MACROD1: variants seen among roughly 807,000 people sequenced by gnomAD.
MACROD1 encodes the protein mono-ADP ribosylhydrolase 1, also known as ADP-ribose glycohydrolase MACROD1.
MACROD1 carries 31 observed loss-of-function variants against 41.4 expected under a neutral mutation model. The observed-to-expected ratio is 0.75, with a 90% CI of 0.56 to 1.01. The LOEUF is 1.01. MACROD1 is among the 50% of genes least tolerant of loss of function. The probability of loss-of-function intolerance (pLI) is 0.00; values close to 1 mark genes in which losing one functional copy is unlikely to be tolerated. For missense variants in MACROD1, 473 were observed against 460.0 expected, an observed-to-expected ratio of 1.03 and a Z score of -0.26; for synonymous variants, 252 against 203.4, an observed-to-expected ratio of 1.24 and a Z score of -2.03.
intron 3 of MACROD1, among the ~76,000 whole-genome samples, chr11:64,075,913 A>T (rs1454654281): frequency 6.6e-6 from 1 of 152,138 alleles, no homozygotes; most frequent in Non-Finnish European, 1.5e-5. Flanking sequence ...ACCTCAAGTG[A>T]TCCACCCGCC....
At chr11:64,073,429 C>A (rs1318660436) in intron 3 of MACROD1, among the ~76,000 whole-genome samples, 1 of 152,248 alleles carries the variant, frequency 6.6e-6, no homozygotes, top group East Asian at 1.9e-4. Flanking sequence ...CTGGCTTCTA[C>A]TCTTAACTCC....
rs1469139635 is a variant in MACROD1, at chr11:64,036,339, C to G, written c.518-21058G>C. ...AGCCTTTGGGATTTGGGGTGGGGGT[C>G]CCTGAGTCAAGAGCCAAGCACCAGT... On this transcript the variant is annotated intron_variant, in intron 3 of 10. Coordinates refer to ENST00000255681, the MANE Select transcript of MACROD1 (RefSeq NM_014067.4). The surrounding 1 kb of genome is among the most constrained non-coding windows in gnomAD (Gnocchi z 5.6). Among the ~76,000 whole-genome samples, 1 of 152,110 alleles carries G rather than the reference C, an allele frequency of 6.6e-6. No homozygotes were observed. Among genetic ancestry groups the G allele is most frequent in the Admixed American group, 6.5e-5 (1 of 15,286 alleles).
At chr11:64,018,171 TCA>T (rs1042333689) in intron 3 of MACROD1, among the ~76,000 whole-genome samples, 2 of 152,032 alleles carry the variant, frequency 1.3e-5, no homozygotes, top group African/African-American at 4.8e-5. Flanking sequence ...TGCTGGGGGC[TCA>T]GACTTGGATG....
chr11:64,057,521 C>G (rs1303552179), intron 3 of MACROD1, among the ~76,000 whole-genome samples: 1 of 152,230 alleles, frequency 6.6e-6, no homozygotes, highest in Non-Finnish European at 1.5e-5. Context: ...CCCAGCTCTC[C>G]AGGCCAAACA....
At chr11:64,015,533 C>T (rs117005008) in intron 3 of MACROD1, among the ~76,000 whole-genome samples, 2,478 of 152,202 alleles carry the variant, frequency 0.016, 35 homozygotes, top group Middle Eastern at 0.051. Context: ...GCCTGCTCAC[C>T]CGGACGCAGA....
chr11:64,130,186 C>T (rs1309465150), intron 3 of MACROD1, among the ~76,000 whole-genome samples: 4 of 152,214 alleles, frequency 2.6e-5, no homozygotes, highest in Non-Finnish European at 5.9e-5. Context: ...CTTGCATTAT[C>T]ACTGAGATTA....
At chr11:64,025,732 T>C (rs1943216227) in intron 3 of MACROD1, among the ~76,000 whole-genome samples, 1 of 151,374 alleles carries the variant, frequency 6.6e-6, no homozygotes, top group Non-Finnish European at 1.5e-5. Flanking sequence ...TTTTTTTTTT[T>C]TTTCAGACGG....
At chr11:64,011,725 C>T (rs1943019194) in intron 4 of MACROD1, among the ~76,000 whole-genome samples, 1 of 151,878 alleles carries the variant, frequency 6.6e-6, no homozygotes, top group Admixed American at 6.6e-5. Flanking sequence ...GCAGGATGGC[C>T]CTTGTGCGTG....
chr11:64,144,723 C>T (rs2134688290), intron 3 of MACROD1, among the ~76,000 whole-genome samples: 1 of 152,348 alleles, frequency 6.6e-6, no homozygotes, highest in African/African-American at 2.4e-5. Flanking sequence ...TACAGCCAGC[C>T]CTGGACTCGT....
At chr11:64,114,191 GTTAGA>G in intron 3 of MACROD1, among the ~76,000 whole-genome samples, 1 of 150,516 alleles carries the variant, frequency 6.6e-6, no homozygotes, top group Admixed American at 6.6e-5. Context: ...TGGATGGATG[GTTAGA>G]TGGATGGATG....
intron 3 of MACROD1, among the ~76,000 whole-genome samples, chr11:64,034,165 G>A (rs1943330398): frequency 6.6e-6 from 1 of 152,180 alleles, no homozygotes; most frequent in Non-Finnish European, 1.5e-5. Context: ...TAATTCCTGA[G>A]CCACACGCCA....
chr11:64,028,777 C>T (rs942709629), intron 3 of MACROD1, among the ~76,000 whole-genome samples: 1 of 152,152 alleles, frequency 6.6e-6, no homozygotes, highest in Non-Finnish European at 1.5e-5. Flanking sequence ...GCTGGGGGCA[C>T]CTGTGCCCGG....
At chr11:64,118,233 G>C (rs765128867) in intron 3 of MACROD1, 2 of 1,610,518 alleles carry the variant, frequency 1.2e-6, no homozygotes, top group Non-Finnish European at 1.7e-6. Flanking sequence ...CATTGGCTAC[G>C]GCACCACGCG....
rs1443351877 is a variant in MACROD1 at position 64,090,333 on chromosome 11, T to C, written c.517+60906A>G. 3.3e-5 allele frequency among the ~76,000 whole-genome samples: 5 copies of C among 152,228 alleles called. No individual in the cohort carries two copies. The highest frequency in any genetic ancestry group is 1.3e-4 in the Admixed American group (2 of 15,286). On this transcript the variant is annotated intron_variant, in intron 3 of 10. Coordinates refer to ENST00000255681, the MANE Select transcript of MACROD1 (RefSeq NM_014067.4). The surrounding 1 kb of genome is among the most constrained non-coding windows in gnomAD (Gnocchi z 4.7). The stretch of plus-strand genomic sequence containing the variant: ...AGTCAGCAGTTATTTATCGTCTCGT[T>C]TCTTAGTGGGTAGGAAAGCCACAAA...
chr11:64,103,194 G>A (rs554488505), intron 3 of MACROD1: 1 of 152,454 alleles, frequency 6.6e-6, no homozygotes, highest in African/African-American at 2.4e-5. Context: ...TTTTTGGCAG[G>A]TGAGGAAGCA....
chr11:64,108,240 G>A (rs1944798394), intron 3 of MACROD1, among the ~76,000 whole-genome samples: 1 of 151,798 alleles, frequency 6.6e-6, no homozygotes. Context: ...CTGAACCCAG[G>A]AGGCAGAGGT....
rs117141866 is a variant in MACROD1, at chr11:64,093,137, T to C, written c.517+58102A>G. 1.4e-3 allele frequency among the ~76,000 whole-genome samples: 206 copies of C among 152,162 alleles called. 1 individual carries two copies. In the East Asian group the frequency reaches 0.023, roughly 17 times the overall value. The stretch of plus-strand genomic sequence containing the variant: ...AATATCTGTTTTCTCAGGTGGAAAA[T>C]TGGAATGGTAATAACAGTGCCTGTG... On this transcript the variant is annotated intron_variant, in intron 3 of 10. Transcript: ENST00000255681.
intron 3 of MACROD1, among the ~76,000 whole-genome samples, chr11:64,085,588 C>T (rs2134505254): frequency 6.6e-6 from 1 of 152,362 alleles, no homozygotes; most frequent in Admixed American, 6.5e-5. Flanking sequence ...CCACCCCAGG[C>T]CGCAGCGTGG....
At chr11:64,117,341 G>A (rs762640509) in intron 3 of MACROD1, 27 of 1,613,918 alleles carry the variant, frequency 1.7e-5, no homozygotes, top group Non-Finnish European at 2.3e-5. Context: ...TCATGTGCCA[G>A]GGCCCTGAGA....
Sources: allele counts gnomAD v4.1 joint callset (sites outside exome capture counted in the v4.1 genomes callset), GRCh38; gene constraint gnomAD v4.1.1; non-coding constraint Gnocchi (gnomAD v3.1); transcripts MANE v1.5; gene names NCBI Gene and HGNC (gene_info 2026-07-23, HGNC 2026-07-21).